Variants in ASIC2 observed in about 807,000 individuals in gnomAD.
ASIC2 encodes the protein acid sensing ion channel subunit 2, also known as acid-sensing ion channel 2.
ASIC2 carries 25 observed loss-of-function variants against 57.3 expected under a neutral mutation model. That is an observed-to-expected ratio of 0.44 (90% CI 0.32 to 0.61). ASIC2 has a LOEUF of 0.61. Ranked by LOEUF, ASIC2 falls within the 20% of genes least tolerant of loss-of-function variation. ASIC2 has a pLI of 0.06. For synonymous variants in ASIC2, 319 were observed against 307.5 expected (o/e 1.04, Z -0.39); for missense variants, 641 against 738.1 (o/e 0.87, Z 1.52).
intron 1 of ASIC2, among the ~76,000 whole-genome samples, chr17:34,093,710 C>T (rs1485126726): frequency 6.6e-6 from 1 of 152,196 alleles, no homozygotes; most frequent in African/African-American, 2.4e-5. Context: ...TCTTCAGTCC[C>T]CCACCATGGG....
At chr17:33,207,196 G>A (rs1329728329) in intron 1 of ASIC2, among the ~76,000 whole-genome samples, 1 of 152,226 alleles carries the variant, frequency 6.6e-6, no homozygotes, top group African/African-American at 2.4e-5. Flanking sequence ...CATTTAGTGC[G>A]AAGAGGACGG....
At chr17:33,330,926 C>A (rs745587502) in intron 1 of ASIC2, among the ~76,000 whole-genome samples, 2 of 152,048 alleles carry the variant, frequency 1.3e-5, no homozygotes, top group Non-Finnish European at 2.9e-5. Context: ...GTATTGTGCT[C>A]GGTGTGTTTA....
intron 1 of ASIC2, among the ~76,000 whole-genome samples, chr17:34,088,160 A>G (rs937677856): frequency 2.6e-5 from 4 of 151,946 alleles, no homozygotes; most frequent in African/African-American, 9.7e-5. Context: ...ATTTTTCCCC[A>G]TCTTTGTGGT....
rs184714313 is a variant in ASIC2 at position 33,027,475 on chromosome 17, C to T, written c.1138+767G>A. 7.9e-5 allele frequency among the ~76,000 whole-genome samples: 12 copies of T among 152,336 alleles called. No homozygotes were observed. The East Asian group carries it at 2.3e-3, about 29-fold the overall frequency. On this transcript the variant is annotated intron_variant, in intron 4 of 9. Coordinates refer to ENST00000225823, the MANE Select transcript of ASIC2 (RefSeq NM_183377.2). ...TAGTCAGCATGACTTTTGGTTCCCT[C>T]TTTCAATATGCTAAATAACAACCAC...
chr17:33,245,370 T>C (rs1482086218), intron 1 of ASIC2, among the ~76,000 whole-genome samples: 1 of 152,176 alleles, frequency 6.6e-6, no homozygotes, highest in African/African-American at 2.4e-5. Flanking sequence ...GGGTTAAACA[T>C]CTGCTCTCCC....
chr17:33,553,777 T>C (rs1597782178), intron 1 of ASIC2, among the ~76,000 whole-genome samples: 1 of 152,328 alleles, frequency 6.6e-6, no homozygotes, highest in African/African-American at 2.4e-5. Context: ...ATTATTATTA[T>C]ACCTATTTTG....
In ASIC2 at chr17:33,901,608, A is replaced by G. The variant is rs573007880; in HGVS notation, c.555+254370T>C. On this transcript the variant is annotated intron_variant, in intron 1 of 9. Transcript: ENST00000359872. ...ATTTCAGCTGGGAAAGCAGGTTTTA[A>G]AATGAAGAGTTAGCAAACCATATGA... is the stretch of plus-strand genomic sequence containing the variant. Among the ~76,000 whole-genome samples, 8 of 152,330 alleles carry G rather than the reference A, an allele frequency of 5.3e-5. No homozygotes were observed. The East Asian group carries it at 1.5e-3, about 29-fold the overall frequency.
chr17:33,183,655 A>G (rs1011053350), intron 1 of ASIC2, among the ~76,000 whole-genome samples: 5 of 152,222 alleles, frequency 3.3e-5, no homozygotes, highest in African/African-American at 1.2e-4. Flanking sequence ...GCAGAACCCA[A>G]ATTAAAAAGC....
intron 1 of ASIC2, among the ~76,000 whole-genome samples, chr17:33,867,024 C>T (rs1331851208): frequency 6.6e-6 from 1 of 152,140 alleles, no homozygotes; most frequent in African/African-American, 2.4e-5. Context: ...TAATTGAGGG[C>T]CATGTGCCAG....
intron 1 of ASIC2, among the ~76,000 whole-genome samples, chr17:33,142,529 G>T (rs1471239781): frequency 2.6e-5 from 4 of 152,138 alleles, no homozygotes; most frequent in Non-Finnish European, 5.9e-5. Context: ...ACCCAGCCAG[G>T]GGTCCTCAGC....
At chr17:33,547,818 C>T (rs997797112) in intron 1 of ASIC2, among the ~76,000 whole-genome samples, 2 of 152,194 alleles carry the variant, frequency 1.3e-5, no homozygotes, top group African/African-American at 4.8e-5. Flanking sequence ...GAATGCTAGA[C>T]CAGTCTCCCC....
rs149053848 is a variant in ASIC2 at position 34,014,289 on chromosome 17, T to C, written c.555+141689A>G. ...GAGAGGTTAACTTGATGGTCACCCA[T>C]AGCTACCATGTGGCAAGGCTCCAGA... On this transcript the variant is annotated intron_variant, in intron 1 of 9. Transcript: ENST00000359872. Among the ~76,000 whole-genome samples the C allele has an allele frequency of 5.5e-3, 832 of 152,330 alleles. 5 individuals carry two copies. In the Middle Eastern group the frequency reaches 0.058, roughly 11 times the overall value.
chr17:33,504,513 T>C (rs183455598), intron 1 of ASIC2, among the ~76,000 whole-genome samples: 1 of 152,270 alleles, frequency 6.6e-6, no homozygotes, highest in African/African-American at 2.4e-5. Flanking sequence ...CTAATTTTTA[T>C]ATTTTTAGTA....
At chr17:33,149,118 C>CA (rs969714896) in intron 1 of ASIC2, among the ~76,000 whole-genome samples, 1 of 151,666 alleles carries the variant, frequency 6.6e-6, no homozygotes, top group East Asian at 1.9e-4. Flanking sequence ...AAAACAAAAA[C>CA]AAAAAAACAA....
chr17:33,120,057 G>T (rs1199158309), intron 1 of ASIC2, among the ~76,000 whole-genome samples: 2 of 152,214 alleles, frequency 1.3e-5, no homozygotes, highest in African/African-American at 2.4e-5. Context: ...GGCTCTGAGA[G>T]GCTGCATACC....
At chr17:33,038,811 T>C (rs16559) in intron 3 of ASIC2, among the ~76,000 whole-genome samples, 127,420 of 152,122 alleles carry the variant, frequency 0.84, 53,889 homozygotes, top group African/African-American at 0.96. Context: ...CAATCATTGA[T>C]TTTTCCAGCC....
intron 2 of ASIC2, 34 bp downstream of exon 2, chr17:33,111,883 A>G: frequency 1.9e-6 from 3 of 1,584,140 alleles, no homozygotes; most frequent in Middle Eastern, 3.6e-4. Flanking sequence ...ACCCTCCACC[A>G]TCACCCAATG....
intron 1 of ASIC2, among the ~76,000 whole-genome samples, chr17:33,864,487 C>T (rs917000041): frequency 1.3e-5 from 2 of 152,172 alleles, no homozygotes; most frequent in Non-Finnish European, 2.9e-5. Context: ...CAGTTCCTCT[C>T]ACTCTCTTCA....
rs575269656 is a variant in ASIC2 at position 34,066,942 on chromosome 17, CCT to C, written c.555+89034_555+89035del. Among the ~76,000 whole-genome samples the C allele has an allele frequency of 3.9e-3, 590 of 152,302 alleles. 3 individuals are homozygous for C. Among genetic ancestry groups the C allele is most frequent in the African/African-American group, 0.013 (547 of 41,554 alleles). On this transcript the variant is annotated intron_variant, in intron 1 of 9. Transcript: ENST00000359872. ...TCAAGCTCCAGCTCTGAGAAAAGCC[CCT>C]GTGTCTAACCTCAAATCTGAGAGAA... is the stretch of plus-strand genomic sequence containing the variant.
Sources: gnomAD v4.1 joint callset for allele counts (sites outside exome capture counted in the v4.1 genomes callset) on GRCh38, gnomAD v4.1.1 for gene constraint, MANE v1.5 for transcripts, NCBI Gene and HGNC (gene_info 2026-07-23, HGNC 2026-07-21) for gene names.